The following PIAS1 variants were observed in gnomAD, a reference collection of about 807,000 sequenced individuals.
PIAS1 encodes protein inhibitor of activated STAT 1, also known as E3 SUMO-protein ligase PIAS1.
PIAS1 carries 6 observed loss-of-function variants against 71.3 expected under a neutral mutation model. The ratio of observed to expected loss-of-function variants is 0.08; its 90% confidence interval spans 0.05 to 0.17. The LOEUF is 0.17. PIAS1 is among the 10% of genes least tolerant of loss of function. The probability of loss-of-function intolerance (pLI) is 1.00; values close to 1 mark genes in which losing one functional copy is unlikely to be tolerated. For missense variants in PIAS1, 555 were observed against 793.6 expected, an observed-to-expected ratio of 0.70 and a Z score of 3.61; for synonymous variants, 303 against 292.9, an observed-to-expected ratio of 1.03 and a Z score of -0.35.
intron 1 of PIAS1, among the ~76,000 whole-genome samples, chr15:68,060,404 G>A (rs1454375762): frequency 6.6e-6 from 1 of 152,062 alleles, no homozygotes; most frequent in African/African-American, 2.4e-5. Context: ...CACGAGGTCA[G>A]GAGTTCGAGA....
intron 11 of PIAS1, among the ~76,000 whole-genome samples, chr15:68,180,094 CTTTGTT>C (rs1293538328): frequency 1.3e-5 from 2 of 151,710 alleles, no homozygotes; most frequent in South Asian, 4.2e-4. Flanking sequence ...TCAAAATTAG[CTTTGTT>C]TTTGTTTTTG....
intron 6 of PIAS1, among the ~76,000 whole-genome samples, chr15:68,151,229 T>C (rs771546555): frequency 1.3e-5 from 2 of 152,116 alleles, no homozygotes; most frequent in Non-Finnish European, 2.9e-5. Context: ...AATTTCATTT[T>C]ATATTACCAG....
chr15:68,163,824 A>C (rs1595780764), intron 7 of PIAS1, among the ~76,000 whole-genome samples: 1 of 152,138 alleles, frequency 6.6e-6, no homozygotes, highest in Non-Finnish European at 1.5e-5. Context: ...CCCTTTGTAC[A>C]ATATAGACTT....
Position 68,086,809 on chromosome 15 carries a change from C to G in PIAS1, c.469+59C>G, listed in dbSNP as rs996006620. 5 of 1,042,730 alleles carry G rather than the reference C, an allele frequency of 4.8e-6. No individual in the cohort carries two copies. The highest frequency in any genetic ancestry group is 7.1e-6 in the Non-Finnish European group (5 of 700,462). 64.6% of individuals were successfully genotyped at this position (1,042,730 alleles called of 1,614,324 possible). On this transcript the variant is annotated intron_variant, in intron 2 of 13. Coordinates refer to ENST00000249636, the MANE Select transcript of PIAS1 (RefSeq NM_016166.3). The surrounding 1 kb of genome is among the most constrained non-coding windows in gnomAD (Gnocchi z 7.2). ...TTGCAGGATGAATTTTCGTTTTAGG[C>G]TTTTACTTTGACCCAGTTTATTATT... is the stretch of plus-strand genomic sequence containing the variant.
intron 6 of PIAS1, among the ~76,000 whole-genome samples, chr15:68,152,899 C>CT (rs71287005): frequency 0.037 from 4,513 of 121,880 alleles, 141 homozygotes; most frequent in African/African-American, 0.075. Context: ...TTTGGCTTTT[C>CT]TTTTTTTTTT....
Position 68,178,789 on chromosome 15 carries a change from CTA to C in PIAS1, c.1481+2141_1481+2142del, listed in dbSNP as rs553167393. ...GTAAACTATGCAATAGTATTACTGA[CTA>C]TATATTTTTTCTTTAAAGAAAACAT... On this transcript the variant is annotated intron_variant, in intron 11 of 13. Transcript: ENST00000249636. The surrounding 1 kb of genome is among the most constrained non-coding windows in gnomAD (Gnocchi z 4.2). Among the ~76,000 whole-genome samples the C allele has an allele frequency of 7.2e-4, 110 of 151,918 alleles. 2 individuals carry two copies. Among genetic ancestry groups the C allele is most frequent in the Admixed American group, 3.1e-3 (48 of 15,270 alleles).
At position 68,157,338 on chromosome 15, in the gene PIAS1, C is replaced by CT. The variant is rs147190446; in HGVS notation, c.934+3647dup. Reference sequence around the variant, plus strand: ...TCTGTCACTCTGTGCTGTCAAGACTCTTTTATCTTTTAAAAAATAGGAAAA... The same window carrying CT: ...TCTGTCACTCTGTGCTGTCAAGACTCTTTTTATCTTTTAAAAAATAGGAAAA... On this transcript the variant is annotated intron_variant, in intron 7 of 13. Coordinates refer to ENST00000249636, the MANE Select transcript of PIAS1 (RefSeq NM_016166.3). Among the ~76,000 whole-genome samples, 927 of 152,272 alleles carry CT rather than the reference C, an allele frequency of 6.1e-3. 4 individuals carry two copies. The highest frequency in any genetic ancestry group is 0.032 in the East Asian group (168 of 5,186).
chr15:68,125,821 G>A (rs12905254), intron 2 of PIAS1, among the ~76,000 whole-genome samples: 9,851 of 151,900 alleles, frequency 0.065, 360 homozygotes, highest in East Asian at 0.098. Flanking sequence ...CTGCCTCAGC[G>A]TCCTGAGTAG....
chr15:68,086,364 G>T lies in PIAS1; in HGVS notation c.83G>T (p.Arg28Ile). ...ELQVLLGYAG[R>I]NKHGRKHELL... ...CAAGTACTGTTGGGCTACGCCGGGA[G>T]AAACAAGCACGGACGCAAACACGAA... Residue 28 changes from arginine to isoleucine, a missense_variant, in exon 2 of 14, where the codon AGA (arginine) becomes ATA (isoleucine). Arg to Ile is a moderately conservative substitution (Grantham distance 97). Around this residue, in one of 5 missense-constraint regions of PIAS1, gnomAD observed 48 missense variants for 86.6 expected, o/e 0.55. Coordinates refer to ENST00000249636, the MANE Select transcript of PIAS1 (RefSeq NM_016166.3). The surrounding 1 kb of genome is among the most constrained non-coding windows in gnomAD (Gnocchi z 7.2). 1 of 1,613,472 alleles carries T rather than the reference G, an allele frequency of 6.2e-7. No individual in the cohort carries two copies. Among genetic ancestry groups the T allele is most frequent in the Non-Finnish European group, 8.5e-7 (1 of 1,179,648 alleles).
chr15:68,190,444 A>C lies in PIAS1; in HGVS notation c.*2609A>C, dbSNP rs887638478. ...AGAGTCCTGTACTATGTCTGTAACT[A>C]CTAAGTTTAAAGAAAAGCACATAGT... On this transcript the variant is annotated 3_prime_UTR_variant, in exon 14 of 14. Transcript: ENST00000249636. This position sits in a 1 kb window ranked among gnomAD's most constrained non-coding sequence, Gnocchi z 4.7. 2 of 152,128 alleles carry C rather than the reference A, an allele frequency of 1.3e-5. No individual in the cohort carries two copies. The highest frequency in any genetic ancestry group is 4.8e-5 in the African/African-American group (2 of 41,432). 9.4% of individuals were successfully genotyped at this position (152,128 alleles called of 1,614,324 possible).
intron 2 of PIAS1, among the ~76,000 whole-genome samples, chr15:68,087,395 C>T (rs1395768028): frequency 6.6e-6 from 1 of 152,080 alleles, no homozygotes; most frequent in Non-Finnish European, 1.5e-5. Flanking sequence ...ATTTTAATTG[C>T]TATAATGCTA....
chr15:68,120,599 T>C (rs1310940913), intron 2 of PIAS1, among the ~76,000 whole-genome samples: 1 of 152,182 alleles, frequency 6.6e-6, no homozygotes, highest in African/African-American at 2.4e-5. Flanking sequence ...TCATTTTTAT[T>C]TTCCCCCTCC....
At chr15:68,180,893 C>T (rs551148244) in intron 11 of PIAS1, among the ~76,000 whole-genome samples, 2 of 152,268 alleles carry the variant, frequency 1.3e-5, no homozygotes, top group South Asian at 4.1e-4. Flanking sequence ...ACTCATATCC[C>T]GTTAAAGTGG....
chr15:68,162,499 AGAGT>A (rs1244760867), intron 7 of PIAS1, among the ~76,000 whole-genome samples: 2 of 152,110 alleles, frequency 1.3e-5, no homozygotes, highest in East Asian at 3.9e-4. Flanking sequence ...GAGATGAGAG[AGAGT>A]GAGTTAAGAG....
intron 2 of PIAS1, 24 bp from the exon 3 acceptor site, chr15:68,141,922 A>C: frequency 1.3e-6 from 2 of 1,522,100 alleles, no homozygotes; most frequent in Non-Finnish European, 1.8e-6. Context: ...AGGTAATTGA[A>C]AGTATAATTC....
chr15:68,091,950 T>G (rs565590169), intron 2 of PIAS1, among the ~76,000 whole-genome samples: 1 of 152,204 alleles, frequency 6.6e-6, no homozygotes. Context: ...GTTGGAAAAT[T>G]GTTAAGTCGA....
chr15:68,127,875 G>C (rs1399838643), intron 2 of PIAS1, among the ~76,000 whole-genome samples: 1 of 152,092 alleles, frequency 6.6e-6, no homozygotes, highest in Non-Finnish European at 1.5e-5. Flanking sequence ...CAATTCTCCT[G>C]CTTCAGCCTC....
In PIAS1 at chr15:68,141,985, C is replaced by G; in HGVS notation, c.509C>G (p.Ala170Gly). Residue 170 changes from alanine to glycine, a missense_variant, in exon 3 of 14, where the codon GCA becomes GGA. By Grantham distance (60) the Ala-to-Gly change is moderately conservative. Around this residue, in one of 5 missense-constraint regions of PIAS1, gnomAD observed 134 missense variants for 203.4 expected, o/e 0.66. Transcript: ENST00000249636. ...NSQRFRETCF[A>G]FALTPQQVQQ... ...CAGCGCTTTCGAGAAACCTGTTTTG[C>G]ATTTGCCTTGACACCACAACAAGTG... The G allele has an allele frequency of 6.2e-7, 1 of 1,605,004 alleles. No homozygotes were observed. The highest frequency in any genetic ancestry group is 8.5e-7 in the Non-Finnish European group (1 of 1,175,142).
chr15:68,059,709 CAA>C (rs770069635), intron 1 of PIAS1, among the ~76,000 whole-genome samples: 30 of 76,482 alleles, frequency 3.9e-4, no homozygotes, highest in East Asian at 1.2e-3. Flanking sequence ...CCGTCTCAAA[CAA>C]AAAAAAAAAA....
Sources: allele counts gnomAD v4.1 joint callset (sites outside exome capture counted in the v4.1 genomes callset), GRCh38; gene constraint gnomAD v4.1.1; regional missense constraint gnomAD v4.1.1; non-coding constraint Gnocchi (gnomAD v3.1); transcripts MANE v1.5; gene names NCBI Gene and HGNC (gene_info 2026-07-23, HGNC 2026-07-21).